Variants in CNBD1 observed in about 807,000 individuals in gnomAD.
The protein encoded by CNBD1 is cyclic nucleotide binding domain containing 1.
In CNBD1, 71 loss-of-function variants were observed where a neutral mutation model predicts 54.4. The ratio of observed to expected loss-of-function variants is 1.30; its 90% confidence interval spans 1.08 to 1.59. The LOEUF is 1.59. Ranked by LOEUF, CNBD1 falls within the 40% of genes most tolerant of loss-of-function variation. The pLI, the probability that CNBD1 is intolerant of heterozygous loss-of-function variation, is 0.00. For synonymous variants in CNBD1, 182 were observed against 170.7 expected (o/e 1.07, Z -0.51); for missense variants, 659 against 518.0 (o/e 1.27, Z -2.64).
At chr8:87,364,479 TA>T (rs2130940284) in intron 10 of CNBD1, among the ~76,000 whole-genome samples, 1 of 146,020 alleles carries the variant, frequency 6.8e-6, no homozygotes, top group Non-Finnish European at 1.5e-5. Context: ...CTTTTTATTT[TA>T]TTTTTTAAAT....
downstream of CNBD1, among the ~76,000 whole-genome samples, chr8:87,386,622 T>G (rs111858728): frequency 2.1e-4 from 32 of 152,278 alleles, no homozygotes; most frequent in African/African-American, 6.3e-4. Flanking sequence ...AGAACAAATC[T>G]ACATCTGATT....
chr8:86,905,287 CCAGTT>C, intron 3 of CNBD1, 93 bp downstream of exon 3: 1 of 714,564 alleles, frequency 1.4e-6, no homozygotes, highest in Non-Finnish European at 2.4e-6. Context: ...AAATATTTGA[CCAGTT>C]TCAGTCAAAT....
chr8:87,275,777 C>T (rs1248239254), intron 6 of CNBD1, among the ~76,000 whole-genome samples: 1 of 151,566 alleles, frequency 6.6e-6, no homozygotes, highest in African/African-American at 2.4e-5. Context: ...AAGAGGAAGT[C>T]AAATTGTCCC....
chr8:86,866,635 G>A, intron 1 of CNBD1, 52 bp downstream of exon 1: 1 of 1,369,448 alleles, frequency 7.3e-7, no homozygotes, highest in East Asian at 2.4e-5. Context: ...GTTTTCAGCG[G>A]TTCTTACCCC....
At chr8:87,001,520 T>C (rs1402304236) in intron 4 of CNBD1, among the ~76,000 whole-genome samples, 2 of 152,172 alleles carry the variant, frequency 1.3e-5, no homozygotes, top group East Asian at 3.9e-4. Flanking sequence ...CTTTTTGGTC[T>C]TTTTACGCTG....
At chr8:87,325,534 A>T (rs1448561782) in intron 8 of CNBD1, among the ~76,000 whole-genome samples, 3 of 104,214 alleles carry the variant, frequency 2.9e-5, no homozygotes, top group Non-Finnish European at 3.9e-5. Context: ...CTCTTGTTGA[A>T]TTGATCCCTT....
chr8:86,940,075 C>A (rs1249593333), intron 4 of CNBD1, among the ~76,000 whole-genome samples: 1 of 150,962 alleles, frequency 6.6e-6, no homozygotes, highest in Non-Finnish European at 1.5e-5. Flanking sequence ...TATCGGAAGG[C>A]TCTTCACAAA....
At chr8:87,076,434 A>C (rs887762470) in intron 4 of CNBD1, among the ~76,000 whole-genome samples, 20 of 152,192 alleles carry the variant, frequency 1.3e-4, no homozygotes, top group Non-Finnish European at 2.8e-4. Context: ...AAAATATTAA[A>C]TAGTGTAATG....
chr8:86,973,181 G>T (rs1586173141), intron 4 of CNBD1, among the ~76,000 whole-genome samples: 2 of 152,266 alleles, frequency 1.3e-5, no homozygotes, highest in African/African-American at 4.8e-5. Context: ...CAAGTCATCT[G>T]TAGTTTTCTG....
At chr8:87,297,304 A>G (rs563370381) in intron 8 of CNBD1, among the ~76,000 whole-genome samples, 1 of 151,696 alleles carries the variant, frequency 6.6e-6, no homozygotes, top group Admixed American at 6.6e-5. Context: ...TTTTCATATT[A>G]AGTCTTCAAA....
intron 5 of CNBD1, among the ~76,000 whole-genome samples, chr8:87,224,347 G>A (rs893266649): frequency 8.6e-5 from 13 of 150,930 alleles, no homozygotes; most frequent in African/African-American, 2.9e-4. Context: ...TAATGCCTAG[G>A]TTTTCTTCTA....
chr8:87,262,869 T>G (rs1808171281), intron 6 of CNBD1, among the ~76,000 whole-genome samples: 2 of 152,194 alleles, frequency 1.3e-5, no homozygotes, highest in Non-Finnish European at 2.9e-5. Context: ...TGTGTTCATT[T>G]GGCAATTAAT....
chr8:87,178,819 A>T (rs181942648), intron 4 of CNBD1, among the ~76,000 whole-genome samples: 1 of 152,312 alleles, frequency 6.6e-6, no homozygotes, highest in African/African-American at 2.4e-5. Flanking sequence ...GTAGAGTTTC[A>T]CCTTGATGGC....
intron 3 of CNBD1, among the ~76,000 whole-genome samples, chr8:86,936,889 G>A (rs921316690): frequency 1.3e-5 from 2 of 152,140 alleles, no homozygotes; most frequent in Middle Eastern, 3.2e-3. Flanking sequence ...GCAGAAGGAT[G>A]CAAAAAGTTT....
At chr8:87,079,711 A>G (rs1383636628) in intron 4 of CNBD1, among the ~76,000 whole-genome samples, 2 of 152,078 alleles carry the variant, frequency 1.3e-5, no homozygotes, top group Non-Finnish European at 1.5e-5. Flanking sequence ...AGGACTTCTT[A>G]TTGAACACAC....
intron 4 of CNBD1, among the ~76,000 whole-genome samples, chr8:86,951,274 C>T (rs569559780): frequency 6.6e-6 from 1 of 152,002 alleles, no homozygotes; most frequent in South Asian, 2.1e-4. Context: ...ATCTTTTTAG[C>T]TACATTCAGT....
chr8:87,179,975 G>A (rs1813278688), intron 4 of CNBD1, among the ~76,000 whole-genome samples: 1 of 152,156 alleles, frequency 6.6e-6, no homozygotes, highest in African/African-American at 2.4e-5. Context: ...GATATGATCT[G>A]TAGGTTATCA....
chr8:87,376,243 C>G (rs917154225), intron 10 of CNBD1, among the ~76,000 whole-genome samples: 1 of 151,816 alleles, frequency 6.6e-6, no homozygotes, highest in East Asian at 2.0e-4. Flanking sequence ...AATCCAAGAT[C>G]AAGTCCCTGG....
At chr8:87,337,428 G>C (rs1586026236) in intron 8 of CNBD1, among the ~76,000 whole-genome samples, 1 of 152,194 alleles carries the variant, frequency 6.6e-6, no homozygotes, top group South Asian at 2.1e-4. Flanking sequence ...GGGAGGCCCT[G>C]CAGCCACAGT....
Sources: allele counts gnomAD v4.1 joint callset (sites outside exome capture counted in the v4.1 genomes callset), GRCh38; gene constraint gnomAD v4.1.1; transcripts MANE v1.5; gene names NCBI Gene and HGNC (gene_info 2026-07-23, HGNC 2026-07-21).